Variants in DUSP28 observed in about 807,000 individuals in gnomAD.
The protein encoded by DUSP28 is dual specificity phosphatase 28.
DUSP28 carries 11 observed loss-of-function variants against 8.4 expected under a neutral mutation model. The ratio of observed to expected loss-of-function variants is 1.31; its 90% confidence interval spans 0.83 to 2.17. The LOEUF (loss-of-function observed/expected upper bound fraction) is 2.17, where lower values mean the gene tolerates loss of function less well. Among genes scored for constraint, DUSP28 ranks in the 30% most tolerant of loss-of-function variants. The pLI, the probability that DUSP28 is intolerant of heterozygous loss-of-function variation, is 0.00. For synonymous variants in DUSP28, 178 were observed against 130.9 expected (o/e 1.36, Z -2.46); for missense variants, 373 against 270.4 (o/e 1.38, Z -2.66).
chr2:240,560,689 G>T lies in DUSP28; in HGVS notation c.5G>T (p.Gly2Val). Residue 2 changes from glycine (G) to valine (V), a missense_variant, in exon 1 of 2, where the codon GGA (glycine) becomes GTA (valine). Transcript: ENST00000405954. M[G>V]PAEAGRRGAA... ...GCAGACTCTTCGGCGGGCGCCATGG[G>T]ACCGGCAGAAGCTGGGCGCCGCGGG... 6.6e-7 allele frequency: 1 copy of T among 1,524,770 alleles called. No homozygotes were observed. The highest frequency in any genetic ancestry group is 1.2e-5 in the South Asian group (1 of 83,164). 94.5% of individuals were successfully genotyped at this position (1,524,770 alleles called of 1,614,324 possible).
intron 1 of DUSP28, 93 bp from the exon 2 acceptor site, chr2:240,561,237 T>A: frequency 6.3e-7 from 1 of 1,590,272 alleles, no homozygotes; most frequent in South Asian, 1.1e-5. Context: ...CACTTCCGGG[T>A]TGGGCGGGGC....
At chr2:240,561,247 C>T (rs1471857963) in intron 1 of DUSP28, 83 bp from the exon 2 acceptor site, 10 of 1,599,474 alleles carry the variant, frequency 6.3e-6, no homozygotes, top group Non-Finnish European at 7.7e-6. Context: ...TTGGGCGGGG[C>T]CCACTCTTAC....
In DUSP28 at chr2:240,564,935, C is replaced by T. The variant is rs2092997494; in HGVS notation, c.*3468C>T. Among the ~76,000 whole-genome samples the T allele has an allele frequency of 6.6e-6, 1 of 152,178 alleles. No individual in the cohort carries two copies. The highest frequency in any genetic ancestry group is 6.5e-5 in the Admixed American group (1 of 15,280). On this transcript the variant is annotated 3_prime_UTR_variant, in exon 2 of 2. Transcript: ENST00000405954. ...GATCTCTGTTTCACCAACATTGCAC[C>T]CCAACTTAAGGTCACATAGCTACTG...
Position 240,560,665 on chromosome 2 carries a change from C to T in DUSP28, c.-20C>T, listed in dbSNP as rs1339618810. ...AAAATAGATCCTCAGGGCCCAAAAG[C>T]AGACTCTTCGGCGGGCGCCATGGGA... On this transcript the variant is annotated 5_prime_UTR_variant, in exon 1 of 2. Coordinates refer to ENST00000405954, the MANE Select transcript of DUSP28 (RefSeq NM_001370465.2). 2 of 1,499,490 alleles carry T rather than the reference C, an allele frequency of 1.3e-6. No individual in the cohort carries two copies. The highest frequency in any genetic ancestry group is 1.5e-5 in the African/African-American group (1 of 68,694). 92.9% of individuals were successfully genotyped at this position (1,499,490 alleles called of 1,614,324 possible).
chr2:240,562,277 G>A lies in DUSP28; in HGVS notation c.*810G>A, dbSNP rs2092976236. 6.6e-6 allele frequency: 1 copy of A among 152,034 alleles called. No individual in the cohort carries two copies. Among genetic ancestry groups the A allele is most frequent in the Admixed American group, 6.6e-5 (1 of 15,256 alleles). The allele number at this position is 152,034 out of a possible 1,614,324, so 9.4% of individuals were successfully genotyped here. On this transcript the variant is annotated 3_prime_UTR_variant, in exon 2 of 2. Coordinates refer to ENST00000405954, the MANE Select transcript of DUSP28 (RefSeq NM_001370465.2). ...TTTTTTGTATTTTTAGTAGAGATGG[G>A]GGGTTTCACCATGTTAGCCAGGATG...
Position 240,561,686 on chromosome 2 carries a change from A to G in DUSP28, c.*219A>G. On this transcript the variant is annotated 3_prime_UTR_variant, in exon 2 of 2. Transcript: ENST00000405954. ...GTAAAACATCGAAGACAAATTAAGA[A>G]AAAGCAAATAGGGATCCTCCATTAT... 1.5e-6 allele frequency: 1 copy of G among 661,976 alleles called. No individual in the cohort carries two copies. Among genetic ancestry groups the G allele is most frequent in the South Asian group, 2.4e-5 (1 of 41,642 alleles). 41.0% of individuals were successfully genotyped at this position (661,976 alleles called of 1,614,324 possible). A position where few individuals can be genotyped will look rare whatever the true frequency, so the allele number is the denominator to read the frequency against.
Position 240,560,888 on chromosome 2 carries a change from G to A in DUSP28, c.204G>A (p.Val68=), listed in dbSNP as rs764953267. The A allele has an allele frequency of 1.3e-6, 2 of 1,514,058 alleles. No homozygotes were observed. Among genetic ancestry groups the A allele is most frequent in the Non-Finnish European group, 8.7e-7 (1 of 1,144,750 alleles). The allele number at this position is 1,514,058 out of a possible 1,614,324, so 93.8% of individuals were successfully genotyped here. ...PRAPGVAELR[V]PVFDDPAEDL... is the part of the protein sequence containing the mutation. ...CGCCCGGCGTGGCAGAGCTGCGCGT[G>A]CCCGTGTTCGACGACCCGGCTGAGG... Residue 68 remains valine (V), a synonymous_variant, in exon 1 of 2, where the codon GTG becomes GTA. Transcript: ENST00000405954.
chr2:240,562,602 A>G lies in DUSP28; in HGVS notation c.*1135A>G, dbSNP rs2092984101. The G allele has an allele frequency of 6.6e-6, 1 of 152,192 alleles. No homozygotes were observed. The highest frequency in any genetic ancestry group is 2.4e-5 in the African/African-American group (1 of 41,436). 9.4% of individuals were successfully genotyped at this position (152,192 alleles called of 1,614,324 possible). ...TGTGGCACACAGATAACAGGGTAAG[A>G]AATTGGTCTATATAGTTTTCTGTGG... On this transcript the variant is annotated 3_prime_UTR_variant, in exon 2 of 2. Transcript: ENST00000405954.
rs2092994576 is a variant in DUSP28 at position 240,563,931 on chromosome 2, AATC to A, written c.*2469_*2471del. On this transcript the variant is annotated 3_prime_UTR_variant, in exon 2 of 2. Coordinates refer to ENST00000405954, the MANE Select transcript of DUSP28 (RefSeq NM_001370465.2). The stretch of plus-strand genomic sequence containing the variant: ...CTTTAATGCCTGAAATCATAAGAAT[AATC>A]ATCAAAGGCAAGAGGGTTGTATATT... 2.0e-5 allele frequency: 3 copies of A among 152,404 alleles called. No homozygotes were observed. The highest frequency in any genetic ancestry group is 6.5e-5 in the Admixed American group (1 of 15,284). 9.4% of individuals were successfully genotyped at this position (152,404 alleles called of 1,614,324 possible).
chr2:240,564,902 C>G lies in DUSP28; in HGVS notation c.*3435C>G, dbSNP rs767515309. Among the ~76,000 whole-genome samples, 6 of 152,222 alleles carry G rather than the reference C, an allele frequency of 3.9e-5. No homozygotes were observed. The highest frequency in any genetic ancestry group is 8.8e-5 in the Non-Finnish European group (6 of 68,020). On this transcript the variant is annotated 3_prime_UTR_variant, in exon 2 of 2. Transcript: ENST00000405954. Reference sequence around the variant, plus strand: ...AGGCCTCCAGCATCTGCACCCCTCTCCTACTTTGATCTCTGTTTCACCAAC... The same window carrying G: ...AGGCCTCCAGCATCTGCACCCCTCTGCTACTTTGATCTCTGTTTCACCAAC...
At chr2:240,561,261 T>A in intron 1 of DUSP28, 69 bp from the exon 2 acceptor site, 2 of 1,608,578 alleles carry the variant, frequency 1.2e-6, no homozygotes, top group Non-Finnish European at 1.7e-6. Context: ...CTCTTACAGC[T>A]GGGCCCGCCT....
Position 240,560,514 on chromosome 2 carries a change from C to G in DUSP28, c.-171C>G, listed in dbSNP as rs1441623771. The G allele has an allele frequency of 1.9e-5, 20 of 1,058,566 alleles. No individual in the cohort carries two copies. In the East Asian group the frequency reaches 6.6e-4, roughly 35 times the overall value. The allele number at this position is 1,058,566 out of a possible 1,614,324, so 65.6% of individuals were successfully genotyped here. A position where few individuals can be genotyped will look rare whatever the true frequency, so the allele number is the denominator to read the frequency against. On this transcript the variant is annotated 5_prime_UTR_variant, in exon 1 of 2. Coordinates refer to ENST00000405954, the MANE Select transcript of DUSP28 (RefSeq NM_001370465.2). The stretch of plus-strand genomic sequence containing the variant: ...CCAACGAGACCCAAGCCCCCTGTCC[C>G]GGCCCAGCGCCCGCGGGGGACCCAA...
At position 240,564,661 on chromosome 2, in the gene DUSP28, G is replaced by T. The variant is rs751336935; in HGVS notation, c.*3194G>T. ...GGGAGTCACAGGGACCTGCCACCCA[G>T]ATCCCCACTGCCTGATGTCCTGGCT... On this transcript the variant is annotated 3_prime_UTR_variant, in exon 2 of 2. Transcript: ENST00000405954. 6.6e-5 allele frequency among the ~76,000 whole-genome samples: 10 copies of T among 152,238 alleles called. No homozygotes were observed. The highest frequency in any genetic ancestry group is 5.9e-5 in the Non-Finnish European group (4 of 68,052).
rs1452894001 is a variant in DUSP28, at chr2:240,560,920, T to C, written c.236T>C (p.Leu79Pro). The change falls in exon 1 of 2, where the codon CTG becomes CCG. Residue 79 changes from leucine to proline, a missense_variant. Transcript: ENST00000405954. ...TTCGACGACCCGGCTGAGGACCTGC[T>C]GGCGCACCTGGAGCCCACGTGCGCC... ...PVFDDPAEDL[L>P]AHLEPTCAAM... The C allele has an allele frequency of 2.0e-6, 3 of 1,536,402 alleles. No homozygotes were observed. In the African/African-American group the frequency reaches 4.3e-5, roughly 22 times the overall value.
At position 240,564,473 on chromosome 2, in the gene DUSP28, G is replaced by T. The variant is rs1171563572; in HGVS notation, c.*3006G>T. Among the ~76,000 whole-genome samples the T allele has an allele frequency of 6.6e-6, 1 of 152,226 alleles. No individual in the cohort carries two copies. The highest frequency in any genetic ancestry group is 2.1e-4 in the South Asian group (1 of 4,834). ...CAAGGGTCTGCGCATCAGACCACATGGACCCCTGCACCACCATCTGCTCCG... is the reference window on the plus strand; with the variant it reads ...CAAGGGTCTGCGCATCAGACCACATTGACCCCTGCACCACCATCTGCTCCG... On this transcript the variant is annotated 3_prime_UTR_variant, in exon 2 of 2. Coordinates refer to ENST00000405954, the MANE Select transcript of DUSP28 (RefSeq NM_001370465.2).
intron 1 of DUSP28, 101 bp downstream of exon 1, chr2:240,561,178 G>A: frequency 6.7e-7 from 1 of 1,482,324 alleles, no homozygotes; most frequent in East Asian, 2.4e-5. Context: ...AGGCACTTCC[G>A]GGAGGGGCGG....
chr2:240,564,295 T>G lies in DUSP28; in HGVS notation c.*2828T>G, dbSNP rs2092995704. ...GTGGCCTGAAGGGCCCGCTCTGCGG[T>G]CCTGCCACCAGTGCCCTCTGAGGTC... On this transcript the variant is annotated 3_prime_UTR_variant, in exon 2 of 2. Transcript: ENST00000405954. Among the ~76,000 whole-genome samples, 1 of 152,210 alleles carries G rather than the reference T, an allele frequency of 6.6e-6. No individual in the cohort carries two copies. Among genetic ancestry groups the G allele is most frequent in the Non-Finnish European group, 1.5e-5 (1 of 68,030 alleles).
At position 240,560,722 on chromosome 2, in the gene DUSP28, C is replaced by T. The variant is rs778568184; in HGVS notation, c.38C>T (p.Ser13Leu). The change falls in exon 1 of 2, where the codon TCG becomes TTG. Residue 13 changes from serine (S) to leucine (L), a missense_variant. Coordinates refer to ENST00000405954, the MANE Select transcript of DUSP28 (RefSeq NM_001370465.2). ...PAEAGRRGAA[S>L]PVPPPLVRVA... is the part of the protein sequence containing the mutation. ...GAAGCTGGGCGCCGCGGGGCCGCCT[C>T]GCCCGTACCTCCACCGTTGGTGCGC... 1.7e-4 allele frequency: 262 copies of T among 1,524,812 alleles called. No homozygotes were observed. Among genetic ancestry groups the T allele is most frequent in the Non-Finnish European group, 2.2e-4 (254 of 1,148,230 alleles). 94.5% of individuals were successfully genotyped at this position (1,524,812 alleles called of 1,614,324 possible).
At position 240,562,601 on chromosome 2, in the gene DUSP28, G is replaced by A. The variant is rs947369704; in HGVS notation, c.*1134G>A. ...GTGTGGCACACAGATAACAGGGTAA[G>A]AAATTGGTCTATATAGTTTTCTGTG... On this transcript the variant is annotated 3_prime_UTR_variant, in exon 2 of 2. Transcript: ENST00000405954. 1.3e-5 allele frequency: 2 copies of A among 152,206 alleles called. No homozygotes were observed. Among genetic ancestry groups the A allele is most frequent in the African/African-American group, 2.4e-5 (1 of 41,438 alleles). 9.4% of individuals were successfully genotyped at this position (152,206 alleles called of 1,614,324 possible).
Sources: gnomAD v4.1 joint callset for allele counts (sites outside exome capture counted in the v4.1 genomes callset) on GRCh38, gnomAD v4.1.1 for gene constraint, MANE v1.5 for transcripts, NCBI Gene and HGNC (gene_info 2026-07-23, HGNC 2026-07-21) for gene names.